MED28: variants seen among roughly 807,000 people sequenced by gnomAD.
MED28 encodes mediator complex subunit 28.
Under a neutral mutation model 21.3 loss-of-function variants are expected in MED28, and 26 were observed. That is an observed-to-expected ratio of 1.22 (90% CI 0.89 to 1.69). The LOEUF (loss-of-function observed/expected upper bound fraction) is 1.69, where lower values mean the gene tolerates loss of function less well. MED28 is among the 40% of genes most tolerant of loss of function. The probability of loss-of-function intolerance (pLI) is 0.00; values close to 1 mark genes in which losing one functional copy is unlikely to be tolerated. For synonymous variants in MED28, 110 were observed against 87.6 expected (o/e 1.26, Z -1.43); for missense variants, 257 against 215.4 (o/e 1.19, Z -1.21).
rs1714759964 is a variant in MED28 at position 17,625,804 on chromosome 4, G to A, written c.*2006G>A. Reference sequence around the variant, plus strand: ...CACTGCTCTGGTACTGGGGAGTGGAGTATTATGTCTTGGAAGAGACTCCTG... The same window carrying A: ...CACTGCTCTGGTACTGGGGAGTGGAATATTATGTCTTGGAAGAGACTCCTG... On this transcript the variant is annotated 3_prime_UTR_variant, in exon 4 of 4. Transcript: ENST00000237380. 8.6e-6 allele frequency: 3 copies of A among 350,838 alleles called. No homozygotes were observed. The highest frequency in any genetic ancestry group is 1.7e-5 in the Non-Finnish European group (3 of 181,246). 21.7% of individuals were successfully genotyped at this position (350,838 alleles called of 1,614,324 possible).
rs890166749 is a variant in MED28, at chr4:17,629,889, A to G, written c.*6091A>G. ...GAAACTTTCTGAATGGCAGTTTGGT[A>G]ATAACAAACAAAAAGCTTAAGTTTG... On this transcript the variant is annotated 3_prime_UTR_variant, in exon 4 of 4. Coordinates refer to ENST00000237380, the MANE Select transcript of MED28 (RefSeq NM_025205.5). The G allele has an allele frequency of 1.3e-5, 2 of 152,226 alleles. No homozygotes were observed. Among genetic ancestry groups the G allele is most frequent in the African/African-American group, 4.8e-5 (2 of 41,458 alleles). The allele number at this position is 152,226 out of a possible 1,614,324, so 9.4% of individuals were successfully genotyped here.
chr4:17,633,657 A>C lies in MED28; in HGVS notation c.*9859A>C. ...CCCCTCTTATCTACAGGGAAATAGA[A>C]TAAGGGCCCCTGTCCCCAACATCCC... On this transcript the variant is annotated 3_prime_UTR_variant, in exon 4 of 4. Coordinates refer to ENST00000237380, the MANE Select transcript of MED28 (RefSeq NM_025205.5). 1 of 1,459,012 alleles carries C rather than the reference A, an allele frequency of 6.9e-7. No homozygotes were observed. Among genetic ancestry groups the C allele is most frequent in the Non-Finnish European group, 9.1e-7 (1 of 1,100,124 alleles). The allele number at this position is 1,459,012 out of a possible 1,614,324, so 90.4% of individuals were successfully genotyped here. A position where few individuals can be genotyped will look rare whatever the true frequency, so the allele number is the denominator to read the frequency against.
In MED28 at chr4:17,633,218, G is replaced by A. The variant is rs114266566; in HGVS notation, c.*9420G>A. ...ATTACAGGCGTGAGCCACCAAGCCC[G>A]GCCCGATTAAGAGACTTTAGAATTC... On this transcript the variant is annotated 3_prime_UTR_variant, in exon 4 of 4. Transcript: ENST00000237380. 2,480 of 154,316 alleles carry A rather than the reference G, an allele frequency of 0.016. 79 individuals carry two copies. The highest frequency in any genetic ancestry group is 0.057 in the African/African-American group (2,349 of 41,558). The allele number at this position is 154,316 out of a possible 1,614,324, so 9.6% of individuals were successfully genotyped here. A position where few individuals can be genotyped will look rare whatever the true frequency, so the allele number is the denominator to read the frequency against.
chr4:17,614,843 T>C (rs775390446), intron 1 of MED28, 30 bp downstream of exon 1: 5 of 1,558,780 alleles, frequency 3.2e-6, no homozygotes, highest in Non-Finnish European at 4.3e-6. Context: ...TCTTTGTCCC[T>C]AGCCTTCCCT....
rs1714857131 is a variant in MED28, at chr4:17,629,290, A to C, written c.*5492A>C. ...TGGAGGTGAGGTGACGGTAGAGATC[A>C]GTGCTACCCTTGGAAATCTGACAGA... On this transcript the variant is annotated 3_prime_UTR_variant, in exon 4 of 4. Coordinates refer to ENST00000237380, the MANE Select transcript of MED28 (RefSeq NM_025205.5). 1 of 152,268 alleles carries C rather than the reference A, an allele frequency of 6.6e-6. No individual in the cohort carries two copies. Among genetic ancestry groups the C allele is most frequent in the Non-Finnish European group, 1.5e-5 (1 of 68,068 alleles). The allele number at this position is 152,268 out of a possible 1,614,324, so 9.4% of individuals were successfully genotyped here.
In MED28 at chr4:17,624,041, T is replaced by C; in HGVS notation, c.*243T>C. The C allele has an allele frequency of 9.9e-6, 5 of 506,906 alleles. No individual in the cohort carries two copies. The highest frequency in any genetic ancestry group is 1.8e-5 in the Non-Finnish European group (5 of 282,452). The allele number at this position is 506,906 out of a possible 1,614,324, so 31.4% of individuals were successfully genotyped here. ...TTTTTTTTTTGTCTTTAGCAAAGTT[T>C]AGACTGTGAATATGATGACACAGAT... is the stretch of plus-strand genomic sequence containing the variant. On this transcript the variant is annotated 3_prime_UTR_variant, in exon 4 of 4. Coordinates refer to ENST00000237380, the MANE Select transcript of MED28 (RefSeq NM_025205.5).
In MED28 at chr4:17,624,049, G is replaced by T; in HGVS notation, c.*251G>T. 1 of 473,134 alleles carries T rather than the reference G, an allele frequency of 2.1e-6. No homozygotes were observed. The highest frequency in any genetic ancestry group is 2.9e-5 in the South Asian group (1 of 34,384). 29.3% of individuals were successfully genotyped at this position (473,134 alleles called of 1,614,324 possible). On this transcript the variant is annotated 3_prime_UTR_variant, in exon 4 of 4. Coordinates refer to ENST00000237380, the MANE Select transcript of MED28 (RefSeq NM_025205.5). ...TTGTCTTTAGCAAAGTTTAGACTGT[G>T]AATATGATGACACAGATTCTTTTTT... is the stretch of plus-strand genomic sequence containing the variant.
At position 17,617,806 on chromosome 4, in the gene MED28, C is replaced by T. The variant is rs147239939; in HGVS notation, c.160-2095C>T. 1.3e-3 allele frequency among the ~76,000 whole-genome samples: 202 copies of T among 152,022 alleles called. 2 individuals carry two copies. Among genetic ancestry groups the T allele is most frequent in the African/African-American group, 4.5e-3 (187 of 41,478 alleles). On this transcript the variant is annotated intron_variant, in intron 1 of 3. Transcript: ENST00000237380. The stretch of plus-strand genomic sequence containing the variant: ...GCCTTAATCCCAGCTACTTGGGAGG[C>T]TGAGGCAGGAGAATCGCTGAAACCC...
Position 17,625,810 on chromosome 4 carries a change from T to G in MED28, c.*2012T>G. On this transcript the variant is annotated 3_prime_UTR_variant, in exon 4 of 4. Transcript: ENST00000237380. ...TCTGGTACTGGGGAGTGGAGTATTA[T>G]GTCTTGGAAGAGACTCCTGCTGTGA... is the stretch of plus-strand genomic sequence containing the variant. 1 of 347,224 alleles carries G rather than the reference T, an allele frequency of 2.9e-6. No individual in the cohort carries two copies. The highest frequency in any genetic ancestry group is 2.2e-5 in the South Asian group (1 of 45,054). 21.5% of individuals were successfully genotyped at this position (347,224 alleles called of 1,614,324 possible). A position where few individuals can be genotyped will look rare whatever the true frequency, so the allele number is the denominator to read the frequency against.
At chr4:17,621,476 G>A (rs755394187) in intron 2 of MED28, 111 bp from the exon 3 acceptor site, 9 of 665,686 alleles carry the variant, frequency 1.4e-5, no homozygotes, top group Non-Finnish European at 2.0e-5. Context: ...TAAAATCCCT[G>A]AGTTGTCTAT....
At chr4:17,618,366 C>T (rs914794089) in intron 1 of MED28, among the ~76,000 whole-genome samples, 6 of 152,022 alleles carry the variant, frequency 3.9e-5, no homozygotes, top group African/African-American at 1.4e-4. Flanking sequence ...GATTTCCTGC[C>T]ACCCTGTCTG....
intron 3 of MED28, among the ~76,000 whole-genome samples, chr4:17,623,325 C>T (rs1419120791): frequency 2.1e-5 from 3 of 140,982 alleles, no homozygotes; most frequent in African/African-American, 5.2e-5. Flanking sequence ...CACTTGAACC[C>T]GGGAGGTGGA....
rs898528201 is a variant in MED28, at chr4:17,629,240, AACAC to A, written c.*5446_*5449del. On this transcript the variant is annotated 3_prime_UTR_variant, in exon 4 of 4. Transcript: ENST00000237380. The stretch of plus-strand genomic sequence containing the variant: ...AGAGCAAGACTCCGTCTCAAAAACA[AACAC>A]ACAGTACTGCATCCTGGGGGTGGAG... 1 of 152,060 alleles carries A rather than the reference AACAC, an allele frequency of 6.6e-6. No homozygotes were observed. Among genetic ancestry groups the A allele is most frequent in the East Asian group, 1.9e-4 (1 of 5,186 alleles). 9.4% of individuals were successfully genotyped at this position (152,060 alleles called of 1,614,324 possible). A position where few individuals can be genotyped will look rare whatever the true frequency, so the allele number is the denominator to read the frequency against.
At chr4:17,615,038 G>A (rs1464376844) in intron 1 of MED28, among the ~76,000 whole-genome samples, 1 of 152,198 alleles carries the variant, frequency 6.6e-6, no homozygotes, top group African/African-American at 2.4e-5. Context: ...TGAACCCGAA[G>A]TTTGCCTAAA....
Position 17,623,648 on chromosome 4 carries a change from C to T in MED28, c.387C>T (p.Val129=). 1.9e-6 allele frequency: 3 copies of T among 1,614,168 alleles called. No homozygotes were observed. The highest frequency in any genetic ancestry group is 1.1e-5 in the South Asian group (1 of 91,086). ...AATTACAGCGGAAAGATGCACTAGTCCAGAAGCACTTGACAAAGCTGAGGC... is the reference window on the plus strand; with the variant it reads ...AATTACAGCGGAAAGATGCACTAGTTCAGAAGCACTTGACAAAGCTGAGGC... The part of the protein sequence containing the change: ...RNELQRKDAL[V]QKHLTKLRHW... Residue 129 remains valine (V), a synonymous_variant, in exon 4 of 4, where the codon GTC becomes GTT. Coordinates refer to ENST00000237380, the MANE Select transcript of MED28 (RefSeq NM_025205.5).
rs1714789514 is a variant in MED28, at chr4:17,627,113, T to G, written c.*3315T>G. 6.6e-6 allele frequency: 1 copy of G among 152,062 alleles called. No homozygotes were observed. The highest frequency in any genetic ancestry group is 2.4e-5 in the African/African-American group (1 of 41,376). The allele number at this position is 152,062 out of a possible 1,614,324, so 9.4% of individuals were successfully genotyped here. A position where few individuals can be genotyped will look rare whatever the true frequency, so the allele number is the denominator to read the frequency against. ...CGAGTAGCTGTCAGGTGCACACCACTACACCCAGATAATTTTGTATTTTTA... is the reference window on the plus strand; with the variant it reads ...CGAGTAGCTGTCAGGTGCACACCACGACACCCAGATAATTTTGTATTTTTA... On this transcript the variant is annotated 3_prime_UTR_variant, in exon 4 of 4. Transcript: ENST00000237380.
At position 17,614,702 on chromosome 4, in the gene MED28, C is replaced by T. The variant is rs977777265; in HGVS notation, c.48C>T (p.Pro16=). 2.5e-6 allele frequency: 4 copies of T among 1,614,088 alleles called. No homozygotes were observed. Among genetic ancestry groups the T allele is most frequent in the Middle Eastern group, 1.6e-4 (1 of 6,074 alleles). ...GGMFSGQPPG[P]PQAPPGLPGQ... ...TGTTTTCTGGGCAGCCACCCGGTCCCCCTCAGGCCCCGCCGGGCCTTCCGG... is the reference window on the plus strand; with the variant it reads ...TGTTTTCTGGGCAGCCACCCGGTCCTCCTCAGGCCCCGCCGGGCCTTCCGG... The change falls in exon 1 of 4, where the codon CCC becomes CCT. Residue 16 remains proline, a synonymous_variant. Coordinates refer to ENST00000237380, the MANE Select transcript of MED28 (RefSeq NM_025205.5).
intron 1 of MED28, among the ~76,000 whole-genome samples, chr4:17,616,029 C>T (rs1194717397): frequency 6.6e-6 from 1 of 152,038 alleles, no homozygotes. Flanking sequence ...GGCGCAATTT[C>T]GGCTTACTGC....
chr4:17,623,398 C>CAAAAAAAAAAAAAAAAA (rs397880373), intron 3 of MED28, among the ~76,000 whole-genome samples: 1 of 113,282 alleles, frequency 8.8e-6, no homozygotes, highest in African/African-American at 3.3e-5. Flanking sequence ...GACTTCGTCT[C>CAAAAAAAAAAAAAAAAA]AAAAAAAAAA....
Sources: gnomAD v4.1 joint callset for allele counts (sites outside exome capture counted in the v4.1 genomes callset) on GRCh38, gnomAD v4.1.1 for gene constraint, MANE v1.5 for transcripts, NCBI Gene and HGNC (gene_info 2026-07-23, HGNC 2026-07-21) for gene names.